FLT3: variants seen among roughly 807,000 people sequenced by gnomAD.
The protein encoded by FLT3 is receptor-type tyrosine-protein kinase FLT3.
A neutral mutation model predicts 126.6 loss-of-function variants in FLT3; 46 were observed. The observed-to-expected ratio is 0.36, with a 90% CI of 0.29 to 0.46. FLT3 has a LOEUF of 0.46. Among genes scored for constraint, FLT3 ranks in the 20% least tolerant of loss-of-function variants. The pLI is 1.00. For synonymous variants in FLT3, 404 were observed against 434.4 expected, an observed-to-expected ratio of 0.93 and a Z score of 0.87; for missense variants, 1,069 against 1,190.3, an observed-to-expected ratio of 0.90 and a Z score of 1.50.
chr13:28,013,098 G>T (rs1218267305), intron 23 of FLT3, among the ~76,000 whole-genome samples: 1 of 152,012 alleles, frequency 6.6e-6, no homozygotes, highest in Non-Finnish European at 1.5e-5. Context: ...GTCTGCTGGG[G>T]GCTTTCCATT....
chr13:28,019,246 C>T (rs561517034), intron 19 of FLT3, among the ~76,000 whole-genome samples: 54 of 152,212 alleles, frequency 3.5e-4, no homozygotes, highest in Non-Finnish European at 6.0e-4. Flanking sequence ...GGATTGCAGG[C>T]GTGAGCCACC....
At chr13:28,066,486 T>C (rs1159922644) in intron 2 of FLT3, among the ~76,000 whole-genome samples, 1 of 152,052 alleles carries the variant, frequency 6.6e-6, no homozygotes, top group East Asian at 1.9e-4. Context: ...TGTCAAAAAT[T>C]AAGGAAGGGC....
At chr13:28,039,920 T>C (rs933510337) in intron 9 of FLT3, among the ~76,000 whole-genome samples, 1 of 152,026 alleles carries the variant, frequency 6.6e-6, no homozygotes, top group South Asian at 2.1e-4. Context: ...CTCAAACTCC[T>C]GCCCTCAAGC....
chr13:28,053,120 T>A (rs1279384947), intron 4 of FLT3, among the ~76,000 whole-genome samples: 1 of 151,526 alleles, frequency 6.6e-6, no homozygotes, highest in Non-Finnish European at 1.5e-5. Context: ...TAGGGTGGAG[T>A]TGGAATTGCA....
chr13:28,012,832 G>A (rs552651913), intron 23 of FLT3, among the ~76,000 whole-genome samples: 1 of 152,158 alleles, frequency 6.6e-6, no homozygotes, highest in South Asian at 2.1e-4. Flanking sequence ...AGCTACTTGG[G>A]AGGCTGAGGT....
chr13:28,029,394 CAA>C lies in FLT3; in HGVS notation c.1943-1108_1943-1107del, dbSNP rs1491276876. Reference sequence around the variant, plus strand: ...TGGGTGACAGAGCGAGACTCTGTCTCAAAAACAAAACAAAACAAAACAAAACA... The same window carrying C: ...TGGGTGACAGAGCGAGACTCTGTCTCAAACAAAACAAAACAAAACAAAACA... On this transcript the variant is annotated intron_variant, in intron 15 of 23. Coordinates refer to ENST00000241453, the MANE Select transcript of FLT3 (RefSeq NM_004119.3). Among the ~76,000 whole-genome samples the C allele has an allele frequency of 9.3e-5, 12 of 129,242 alleles. 1 individual carries two copies. The highest frequency in any genetic ancestry group is 3.9e-4 in the African/African-American group (12 of 30,694). 84.8% of individuals were successfully genotyped at this position (129,242 alleles called of 152,430 possible). A position where few individuals can be genotyped will look rare whatever the true frequency, so the allele number is the denominator to read the frequency against.
At chr13:28,085,684 C>G (rs1878631829) in intron 1 of FLT3, among the ~76,000 whole-genome samples, 1 of 151,992 alleles carries the variant, frequency 6.6e-6, no homozygotes, top group African/African-American at 2.4e-5. Context: ...TGAAATGGCT[C>G]TCTTTGTTTC....
At position 28,035,505 on chromosome 13, in the gene FLT3, T is replaced by G; in HGVS notation, c.1587A>C (p.Leu529Phe). 6.2e-7 allele frequency: 1 copy of G among 1,613,328 alleles called. No individual in the cohort carries two copies. The highest frequency in any genetic ancestry group is 8.5e-7 in the Non-Finnish European group (1 of 1,179,746). Residue 529 changes from leucine (L) to phenylalanine (F), a missense_variant, in exon 12 of 24, where the codon TTA becomes TTC. Transcript: ENST00000241453. Reference sequence around the variant, plus strand: ...GAACAACTGTTGTACCTGGAGAGTTTAAAAGGATCGTCTCACAAGATGTGC... The same window carrying G: ...GAACAACTGTTGTACCTGGAGAGTTGAAAAGGATCGTCTCACAAGATGTGC... The part of the protein sequence containing the change: ...SLGTSCETIL[L>F]NSPGPFPFIQ...
rs1315327620 is a variant in FLT3, at chr13:28,003,624, G to T, written c.*428C>A. On this transcript the variant is annotated 3_prime_UTR_variant, in exon 24 of 24. Coordinates refer to ENST00000241453, the MANE Select transcript of FLT3 (RefSeq NM_004119.3). ...TTCAATAATGGGCAATTCTGTAGTA[G>T]AAATTTTATTCCCACCCATAAAATA... is the stretch of plus-strand genomic sequence containing the variant. 8.1e-6 allele frequency: 2 copies of T among 247,556 alleles called. No individual in the cohort carries two copies. Among genetic ancestry groups the T allele is most frequent in the Non-Finnish European group, 1.6e-5 (2 of 125,492 alleles). The allele number at this position is 247,556 out of a possible 1,614,324, so 15.3% of individuals were successfully genotyped here.
In FLT3 at chr13:28,086,226, C is replaced by G. The variant is rs571337224; in HGVS notation, c.43+14242G>C. The stretch of plus-strand genomic sequence containing the variant: ...TAAAAAAATGATTCCACTTTATTTC[C>G]TTTTGTGGATTATTAGCTATAATGC... On this transcript the variant is annotated intron_variant, in intron 1 of 23. Coordinates refer to ENST00000241453, the MANE Select transcript of FLT3 (RefSeq NM_004119.3). Among the ~76,000 whole-genome samples the G allele has an allele frequency of 2.0e-5, 3 of 151,994 alleles. No homozygotes were observed. In the South Asian group the frequency reaches 6.2e-4, roughly 32 times the overall value.
intron 3 of FLT3, among the ~76,000 whole-genome samples, chr13:28,058,219 A>AAAC (rs1555258444): frequency 2.9e-5 from 1 of 34,512 alleles, no homozygotes; most frequent in East Asian, 3.0e-3. Flanking sequence ...AAAAAAAAAA[A>AAAC]CAAAAAAAAA....
Position 28,050,677 on chromosome 13 carries a change from T to C in FLT3, c.615-455A>G, listed in dbSNP as rs73154826. 7.4e-3 allele frequency among the ~76,000 whole-genome samples: 1,124 copies of C among 152,150 alleles called. 6 individuals are homozygous for C. The highest frequency in any genetic ancestry group is 0.013 in the Non-Finnish European group (860 of 67,978). On this transcript the variant is annotated intron_variant, in intron 5 of 23. Coordinates refer to ENST00000241453, the MANE Select transcript of FLT3 (RefSeq NM_004119.3). ...GTTTCAAAAGTCACCCGAGTTCCCA[T>C]AGGAACAGAGGAGGGCCAAGGTGTC...
intron 15 of FLT3, among the ~76,000 whole-genome samples, chr13:28,030,933 A>T (rs1873272283): frequency 6.6e-6 from 1 of 151,052 alleles, no homozygotes; most frequent in Non-Finnish European, 1.5e-5. Flanking sequence ...AAAAAGAAAA[A>T]ATGCAACGTT....
chr13:28,036,200 A>G (rs890503229), intron 10 of FLT3, among the ~76,000 whole-genome samples, 157 bp from the exon 11 acceptor site: 2 of 152,206 alleles, frequency 1.3e-5, no homozygotes, highest in Non-Finnish European at 2.9e-5. Context: ...TCTGAAAATA[A>G]TAAAATAAAA....
At chr13:28,033,282 C>A (rs1211127769) in intron 15 of FLT3, among the ~76,000 whole-genome samples, 1 of 122,042 alleles carries the variant, frequency 8.2e-6, no homozygotes, top group Non-Finnish European at 1.8e-5. Context: ...GGTAACAGAG[C>A]AAGATCCTGT....
intron 9 of FLT3, among the ~76,000 whole-genome samples, chr13:28,041,237 A>G (rs992925969): frequency 6.6e-6 from 1 of 152,126 alleles, no homozygotes; most frequent in Non-Finnish European, 1.5e-5. Context: ...GTGGCCCAAG[A>G]GAAGAAAGAC....
At chr13:28,080,913 C>T (rs1458856070) in intron 1 of FLT3, among the ~76,000 whole-genome samples, 1 of 152,180 alleles carries the variant, frequency 6.6e-6, no homozygotes, top group East Asian at 1.9e-4. Flanking sequence ...ATTACCTTTA[C>T]ACCTTTATCA....
Position 28,100,494 on chromosome 13 carries a change from C to T in FLT3, c.17G>A (p.Arg6His). The change falls in exon 1 of 24, where the codon CGC becomes CAC. Residue 6 changes from arginine to histidine, a missense_variant. Transcript: ENST00000241453. The surrounding 1 kb of genome is among the most constrained non-coding windows in gnomAD (Gnocchi z 4.8). The stretch of plus-strand genomic sequence containing the variant: ...GAGCAGCGGCAGCTGGCCGCCGTCG[C>T]GCGCCAACGCCGGCATGGCCTCCGG... MPALA[R>H]DGGQLPLLVV... is the part of the protein sequence containing the mutation. 8.2e-7 allele frequency: 1 copy of T among 1,216,596 alleles called. No homozygotes were observed. The highest frequency in any genetic ancestry group is 3.3e-5 in the East Asian group (1 of 30,354). 75.4% of individuals were successfully genotyped at this position (1,216,596 alleles called of 1,614,324 possible). A position where few individuals can be genotyped will look rare whatever the true frequency, so the allele number is the denominator to read the frequency against.
chr13:28,025,778 T>G (rs1395696376), intron 17 of FLT3, among the ~76,000 whole-genome samples: 1 of 151,866 alleles, frequency 6.6e-6, no homozygotes, highest in Non-Finnish European at 1.5e-5. Flanking sequence ...GGGAAATGAG[T>G]GTAAAGGAGA....
Sources: allele counts gnomAD v4.1 joint callset (sites outside exome capture counted in the v4.1 genomes callset), GRCh38; gene constraint gnomAD v4.1.1; non-coding constraint Gnocchi (gnomAD v3.1); transcripts MANE v1.5; gene names NCBI Gene and HGNC (gene_info 2026-07-23, HGNC 2026-07-21).